GUCY2F: variants seen among roughly 807,000 people sequenced by gnomAD.
GUCY2F encodes guanylate cyclase 2F, retinal.
Under a neutral mutation model 73.1 loss-of-function variants are expected in GUCY2F, and 61 were observed. That is an observed-to-expected ratio of 0.83 (90% CI 0.68 to 1.03). The LOEUF is 1.03. Among genes scored for constraint, GUCY2F ranks in the 50% least tolerant of loss-of-function variants. GUCY2F has a pLI of 0.00. For missense variants in GUCY2F, 912 were observed against 854.3 expected, an observed-to-expected ratio of 1.07 and a Z score of -0.84; for synonymous variants, 331 against 307.8, an observed-to-expected ratio of 1.08 and a Z score of -0.79.
rs780573629 is a variant in GUCY2F, at chrX:109,398,685, C to T, written c.2139G>A (p.Thr713=). 1.8e-5 allele frequency: 22 copies of T among 1,206,392 alleles called. No individual in the cohort carries two copies. The highest frequency in any genetic ancestry group is 7.0e-5 in the African/African-American group (4 of 57,043). ...TTGGAGCTCTCAACAGTTCAGGGGC[C>T]GTCCACAGCAGCTCTAAAAAGAAAG... The part of the protein sequence containing the change: ...EESSMEELLW[T]APELLRAPRG... The change falls in exon 11 of 20, where the codon ACG becomes ACA. Residue 713 remains threonine, a synonymous_variant. Coordinates refer to ENST00000218006, the MANE Select transcript of GUCY2F (RefSeq NM_001522.3).
intron 12 of GUCY2F, among the ~76,000 whole-genome samples, chrX:109,394,497 G>A (rs1473192814): frequency 7.2e-5 from 8 of 111,521 alleles, no homozygotes; most frequent in Non-Finnish European, 1.1e-4. Flanking sequence ...CTTTCTTTCC[G>A]CCTCAGATAC....
intron 7 of GUCY2F, among the ~76,000 whole-genome samples, chrX:109,438,330 A>T (rs1931798900): frequency 8.9e-6 from 1 of 112,200 alleles, no homozygotes; most frequent in Non-Finnish European, 1.9e-5. Context: ...AGCCTCTTTT[A>T]TAAGAGCCTT....
intron 9 of GUCY2F, 46 bp from the exon 10 acceptor site, chrX:109,404,530 T>C (rs769154755): frequency 1.0e-6 from 1 of 970,759 alleles, no homozygotes; most frequent in African/African-American, 1.9e-5. Context: ...ATTTAACTAT[T>C]TTGTGCTTTT....
At chrX:109,449,703 T>C (rs1367634826) in intron 5 of GUCY2F, among the ~76,000 whole-genome samples, 1 of 111,989 alleles carries the variant, frequency 8.9e-6, no homozygotes, top group East Asian at 2.8e-4. Flanking sequence ...TCAAATCAGA[T>C]AATGTATGTG....
intron 10 of GUCY2F, among the ~76,000 whole-genome samples, chrX:109,399,866 G>A (rs933684863): frequency 5.5e-5 from 6 of 109,757 alleles, no homozygotes; most frequent in African/African-American, 2.0e-4. Context: ...AGCAAATTGC[G>A]GGTGGGGGGA....
intron 8 of GUCY2F, among the ~76,000 whole-genome samples, chrX:109,421,923 T>C (rs2065921755): frequency 8.9e-6 from 1 of 111,891 alleles, no homozygotes; most frequent in Non-Finnish European, 1.9e-5. Flanking sequence ...TACAGGTATA[T>C]GCAAAATCAT....
chrX:109,420,231 A>AAAG (rs1252174852), intron 8 of GUCY2F, among the ~76,000 whole-genome samples: 1 of 105,045 alleles, frequency 9.5e-6, no homozygotes, highest in Admixed American at 1.0e-4. Flanking sequence ...AAAAAAAAAA[A>AAAG]AAGAAGAAGA....
intron 3 of GUCY2F, among the ~76,000 whole-genome samples, chrX:109,462,715 GCACA>G (rs747974345): frequency 1.8e-5 from 2 of 109,860 alleles, no homozygotes; most frequent in Non-Finnish European, 3.8e-5. Flanking sequence ...ACATACATGT[GCACA>G]CACACACACA....
intron 8 of GUCY2F, among the ~76,000 whole-genome samples, chrX:109,416,393 G>A (rs187260308): frequency 9.0e-6 from 1 of 110,528 alleles, no homozygotes; most frequent in Admixed American, 9.6e-5. Context: ...GTATATAGCT[G>A]GAAAATATAA....
chrX:109,409,517 C>A (rs769766305), intron 8 of GUCY2F, among the ~76,000 whole-genome samples: 1 of 111,458 alleles, frequency 9.0e-6, no homozygotes, highest in Non-Finnish European at 1.9e-5. Context: ...AGAATGTGGG[C>A]AGCCTCTAGA....
intron 7 of GUCY2F, among the ~76,000 whole-genome samples, chrX:109,432,580 AT>A (rs1931641401): frequency 8.9e-6 from 1 of 112,109 alleles, no homozygotes; most frequent in Non-Finnish European, 1.9e-5. Flanking sequence ...TAGAAAGGGT[AT>A]TTTCTCTCAA....
intron 8 of GUCY2F, among the ~76,000 whole-genome samples, chrX:109,414,402 C>A (rs1202175312): frequency 8.9e-6 from 1 of 112,053 alleles, no homozygotes; most frequent in East Asian, 2.8e-4. Context: ...AACCTACCCA[C>A]TATCTAACAC....
At chrX:109,419,869 A>G (rs889943210) in intron 8 of GUCY2F, among the ~76,000 whole-genome samples, 2 of 109,148 alleles carry the variant, frequency 1.8e-5, no homozygotes, top group African/African-American at 6.7e-5. Flanking sequence ...GTCCAAAACA[A>G]TCTTGAAAAA....
At chrX:109,462,704 T>TATA (rs1221516873) in intron 3 of GUCY2F, among the ~76,000 whole-genome samples, 1 of 111,832 alleles carries the variant, frequency 8.9e-6, no homozygotes, top group Non-Finnish European at 1.9e-5. Flanking sequence ...TACATACACA[T>TATA]ACATACATGT....
chrX:109,385,340 G>T, intron 15 of GUCY2F, 58 bp from the exon 16 acceptor site: 1 of 578,676 alleles, frequency 1.7e-6, no homozygotes, highest in Non-Finnish European at 2.9e-6. Flanking sequence ...AATGCTAATA[G>T]AGGAATAGTG....
chrX:109,443,018 AG>A (rs1001820961), intron 6 of GUCY2F, among the ~76,000 whole-genome samples: 6 of 112,053 alleles, frequency 5.4e-5, no homozygotes, highest in Admixed American at 1.9e-4. Context: ...CAATTTTTCT[AG>A]ACAGAATTAA....
chrX:109,402,755 C>T (rs746769019), intron 10 of GUCY2F, among the ~76,000 whole-genome samples: 24 of 111,782 alleles, frequency 2.1e-4, no homozygotes, highest in African/African-American at 7.8e-4. Flanking sequence ...TAAGTCACTG[C>T]AGGTTTGGAG....
At chrX:109,440,850 C>G (rs990184574) in intron 7 of GUCY2F, among the ~76,000 whole-genome samples, 1 of 112,045 alleles carries the variant, frequency 8.9e-6, no homozygotes, top group Non-Finnish European at 1.9e-5. Context: ...AGAAAGTAAC[C>G]TGTTACTCCA....
chrX:109,423,469 G>C (rs779456959), intron 8 of GUCY2F, among the ~76,000 whole-genome samples: 1 of 111,181 alleles, frequency 9.0e-6, no homozygotes, highest in African/African-American at 3.3e-5. Flanking sequence ...GTGAGAAATG[G>C]GTGAAGGTAT....
Sources: allele counts gnomAD v4.1 joint callset (sites outside exome capture counted in the v4.1 genomes callset), GRCh38; gene constraint gnomAD v4.1.1; transcripts MANE v1.5; gene names NCBI Gene and HGNC (gene_info 2026-07-23, HGNC 2026-07-21).